CLIC5: variants seen among roughly 807,000 people sequenced by gnomAD.
CLIC5 encodes chloride intracellular channel protein 5.
CLIC5 carries 20 observed loss-of-function variants against 24.7 expected under a neutral mutation model. The observed-to-expected ratio is 0.81, with a 90% confidence interval of 0.57 to 1.18. CLIC5 has a LOEUF of 1.18. Ranked by LOEUF, CLIC5 falls within the 50% of genes most tolerant of loss-of-function variation. The probability of loss-of-function intolerance (pLI) is 0.00; values close to 1 mark genes in which losing one functional copy is unlikely to be tolerated. For synonymous variants in CLIC5, 159 were observed against 135.6 expected (o/e 1.17, Z -1.20); for missense variants, 341 against 326.1 (o/e 1.05, Z -0.35).
At chr6:46,063,540 C>A (rs891081838) in intron 1 of CLIC5, among the ~76,000 whole-genome samples, 20 of 152,110 alleles carry the variant, frequency 1.3e-4, no homozygotes, top group African/African-American at 4.8e-4. Flanking sequence ...AGATGCAGTT[C>A]CTAACAGAGA....
chr6:46,064,184 C>T (rs1026713339), intron 1 of CLIC5, among the ~76,000 whole-genome samples: 1 of 151,832 alleles, frequency 6.6e-6, no homozygotes, highest in Non-Finnish European at 1.5e-5. Flanking sequence ...ATAAATTCAA[C>T]AATTTAAACA....
the CLIC5 span, among the ~76,000 whole-genome samples, chr6:46,108,397 T>TGAGAGAGAGA: frequency 6.7e-6 from 1 of 148,306 alleles, no homozygotes; most frequent in Non-Finnish European, 1.5e-5. Context: ...TGTGTGTGTG[T>TGAGAGAGAGA]GTGTGAGAGA....
At chr6:45,971,428 T>C (rs1765197632) in intron 1 of CLIC5, among the ~76,000 whole-genome samples, 1 of 152,176 alleles carries the variant, frequency 6.6e-6, no homozygotes, top group Non-Finnish European at 1.5e-5. Flanking sequence ...CCAAACTATT[T>C]CTACCCTCTT....
intron 4 of CLIC5, among the ~76,000 whole-genome samples, chr6:45,934,973 CA>C (rs1434618718): frequency 6.6e-6 from 1 of 152,160 alleles, no homozygotes; most frequent in African/African-American, 2.4e-5. Flanking sequence ...TGAAATAAAT[CA>C]TGTGTATTGC....
In CLIC5 at chr6:45,987,698, C is replaced by T. The variant is rs9463156; in HGVS notation, c.63+27782G>A. 7.4e-3 allele frequency among the ~76,000 whole-genome samples: 1,132 copies of T among 152,224 alleles called. 12 individuals carry two copies. The highest frequency in any genetic ancestry group is 0.026 in the African/African-American group (1,081 of 41,532). ...TCCTGGTGTGCAGATGGCTGCCTTC[C>T]GGCTCTGTCCTCACTTGGTAGACAG... On this transcript the variant is annotated intron_variant, in intron 1 of 5. Coordinates refer to ENST00000339561, the MANE Select transcript of CLIC5 (RefSeq NM_016929.5).
At chr6:46,028,986 C>G (rs1406619323) in intron 1 of CLIC5, among the ~76,000 whole-genome samples, 1 of 152,166 alleles carries the variant, frequency 6.6e-6, no homozygotes, top group African/African-American at 2.4e-5. Context: ...CCCACCCCCA[C>G]TAACCCCTGG....
At chr6:46,008,231 C>T (rs1382532505) in intron 1 of CLIC5, among the ~76,000 whole-genome samples, 1 of 152,170 alleles carries the variant, frequency 6.6e-6, no homozygotes, top group African/African-American at 2.4e-5. Flanking sequence ...TTTCCAATTG[C>T]TCCTTTCATA....
chr6:46,010,025 T>G (rs7764169), intron 1 of CLIC5, among the ~76,000 whole-genome samples: 3,290 of 152,100 alleles, frequency 0.022, 130 homozygotes, highest in African/African-American at 0.073. Context: ...TGTACTTCAG[T>G]TGCCATTGGT....
At chr6:45,893,183 G>A (rs1762367451) in intron 6 of CLIC5, among the ~76,000 whole-genome samples, 1 of 148,782 alleles carries the variant, frequency 6.7e-6, no homozygotes. Context: ...TTTTCATGTT[G>A]TATGGCAACT....
chr6:45,888,592 G>A (rs1008401323), intron 6 of CLIC5, among the ~76,000 whole-genome samples: 3 of 152,060 alleles, frequency 2.0e-5, no homozygotes, highest in Non-Finnish European at 4.4e-5. Context: ...ATGATCCCTC[G>A]TGAATTTATC....
chr6:46,067,506 A>G (rs560569373), intron 1 of CLIC5, among the ~76,000 whole-genome samples: 1 of 152,282 alleles, frequency 6.6e-6, no homozygotes, highest in South Asian at 2.1e-4. Flanking sequence ...AAATCATATT[A>G]ATGCAGAAAT....
At position 45,882,589 on chromosome 6, in the gene CLIC5, G is replaced by A. The variant is rs1259031603; in HGVS notation, c.624-1401C>T. 3.9e-5 allele frequency among the ~76,000 whole-genome samples: 6 copies of A among 152,306 alleles called. No homozygotes were observed. The East Asian group carries it at 9.6e-4, about 24-fold the overall frequency. ...GATCTGTGGAACTGAGTTTTGCTTT[G>A]AGTACATTTCTTTACTGTAACTCAT... is the stretch of plus-strand genomic sequence containing the variant. On this transcript the variant is annotated intron_variant, in intron 6 of 6. Coordinates refer to the CLIC5 transcript ENST00000644324.
chr6:46,074,157 C>A (rs1259160118), intron 1 of CLIC5, among the ~76,000 whole-genome samples: 3 of 152,212 alleles, frequency 2.0e-5, no homozygotes, highest in South Asian at 2.1e-4. Flanking sequence ...TACTCACTTA[C>A]AAATTATATA....
chr6:46,120,010 G>A, the CLIC5 span, among the ~76,000 whole-genome samples: 5 of 152,172 alleles, frequency 3.3e-5, no homozygotes, highest in Admixed American at 6.5e-5. Context: ...CTGGGGGCAG[G>A]GCATAGCCAA....
At chr6:45,942,395 A>G (rs753362807) in intron 3 of CLIC5, among the ~76,000 whole-genome samples, 17 of 152,216 alleles carry the variant, frequency 1.1e-4, no homozygotes, top group Non-Finnish European at 2.1e-4. Context: ...TTGAGACTGA[A>G]GGAGGTAAAC....
At chr6:45,897,094 T>G (rs566897902), downstream of CLIC5, among the ~76,000 whole-genome samples, 1 of 152,222 alleles carries the variant, frequency 6.6e-6, no homozygotes, top group Admixed American at 6.5e-5. Context: ...AGGACCCAGG[T>G]TCTGTCTCTG....
intron 4 of CLIC5, among the ~76,000 whole-genome samples, chr6:45,922,848 A>AGAGAGAGAGAGAGAGAGG (rs1763325413): frequency 6.6e-6 from 1 of 151,888 alleles, no homozygotes; most frequent in Non-Finnish European, 1.5e-5. Context: ...AGAGAGAGAG[A>AGAGAGAGAGAGAGAGAGG]GAGAGAGAGA....
chr6:46,025,614 A>C (rs1767307985), intron 1 of CLIC5, among the ~76,000 whole-genome samples: 1 of 152,216 alleles, frequency 6.6e-6, no homozygotes, highest in Non-Finnish European at 1.5e-5. Flanking sequence ...CCAGCCTGGA[A>C]ATGAAGGCTG....
chr6:45,997,495 A>T (rs1416792246), intron 1 of CLIC5, among the ~76,000 whole-genome samples: 1 of 144,998 alleles, frequency 6.9e-6, no homozygotes, highest in East Asian at 2.2e-4. Flanking sequence ...CCTAAAACTT[A>T]AAGTATAATA....
Sources: gnomAD v4.1 joint callset for allele counts (sites outside exome capture counted in the v4.1 genomes callset) on GRCh38, gnomAD v4.1.1 for gene constraint, MANE v1.5 for transcripts, NCBI Gene and HGNC (gene_info 2026-07-23, HGNC 2026-07-21) for gene names.